The following LRP1B variants were observed in gnomAD, a reference collection of about 807,000 sequenced individuals.
The protein encoded by LRP1B is LDL receptor related protein 1B, also known as low-density lipoprotein receptor-related protein 1B.
LRP1B carries 217 observed loss-of-function variants against 556.6 expected under a neutral mutation model. The ratio of observed to expected loss-of-function variants is 0.39; its 90% confidence interval spans 0.35 to 0.44. The LOEUF is 0.44. LRP1B is among the 20% of genes least tolerant of loss of function. The probability of loss-of-function intolerance (pLI) is 1.00; values close to 1 mark genes in which losing one functional copy is unlikely to be tolerated. For missense variants in LRP1B, 5,053 were observed against 5,620.8 expected (o/e 0.90, Z 3.23); for synonymous variants, 2,047 against 1,865.8 (o/e 1.10, Z -2.50).
At chr2:140,523,627 C>A (rs571469904) in intron 49 of LRP1B, among the ~76,000 whole-genome samples, 31 of 151,786 alleles carry the variant, frequency 2.0e-4, no homozygotes, top group African/African-American at 7.5e-4. Context: ...TAAATGTACA[C>A]CTAAAGACTC....
At chr2:141,883,926 T>A (rs990003838) in intron 1 of LRP1B, among the ~76,000 whole-genome samples, 1 of 152,226 alleles carries the variant, frequency 6.6e-6, no homozygotes, top group Non-Finnish European at 1.5e-5. Flanking sequence ...TTTTATCTTA[T>A]GTATATGAAC....
At chr2:141,559,674 A>T (rs1289848931) in intron 2 of LRP1B, among the ~76,000 whole-genome samples, 1 of 151,680 alleles carries the variant, frequency 6.6e-6, no homozygotes, top group Non-Finnish European at 1.5e-5. Flanking sequence ...AGCACCATGC[A>T]TTGAATATTG....
chr2:140,828,679 A>G (rs71348760), intron 31 of LRP1B, among the ~76,000 whole-genome samples: 159 of 12,572 alleles, frequency 0.013, 25 homozygotes, highest in South Asian at 0.046. Flanking sequence ...AGTCCCAGCT[A>G]CTCAGGAGGC....
intron 1 of LRP1B, among the ~76,000 whole-genome samples, chr2:141,818,612 A>C (rs560264439): frequency 1.1e-4 from 15 of 137,876 alleles, no homozygotes; most frequent in African/African-American, 3.0e-4. Context: ...TCTTGGCTCA[A>C]TGCAACCTCT....
chr2:140,572,350 C>A (rs1681354521), intron 43 of LRP1B, among the ~76,000 whole-genome samples: 1 of 151,462 alleles, frequency 6.6e-6, no homozygotes, highest in Non-Finnish European at 1.5e-5. Flanking sequence ...AGACATCTCT[C>A]AAAAGACGAC....
At chr2:140,278,675 T>A (rs1293897678) in intron 84 of LRP1B, among the ~76,000 whole-genome samples, 2 of 152,040 alleles carry the variant, frequency 1.3e-5, no homozygotes, top group Non-Finnish European at 2.9e-5. Flanking sequence ...TAAGCAAATA[T>A]TAGAATTTAC....
intron 1 of LRP1B, among the ~76,000 whole-genome samples, chr2:141,975,532 A>G (rs2105084303): frequency 6.6e-6 from 1 of 152,202 alleles, no homozygotes; most frequent in East Asian, 1.9e-4. Flanking sequence ...GGCACACTCT[A>G]ATTCTTTTTA....
chr2:140,624,997 G>A lies in LRP1B; in HGVS notation c.6800-23358C>T, dbSNP rs530964985. Among the ~76,000 whole-genome samples, 10 of 152,194 alleles carry A rather than the reference G, an allele frequency of 6.6e-5. No homozygotes were observed. The South Asian group carries it at 1.0e-3, about 16-fold the overall frequency. ...TCACAGAACAAGGAGGCCAGGAGCC[G>A]GGAAAGAGAGAGCATAAGAAAAAGA... is the stretch of plus-strand genomic sequence containing the variant. On this transcript the variant is annotated intron_variant, in intron 41 of 90. Coordinates refer to ENST00000389484, the MANE Select transcript of LRP1B (RefSeq NM_018557.3).
At chr2:140,662,760 C>A (rs1265434881) in intron 41 of LRP1B, among the ~76,000 whole-genome samples, 1 of 152,058 alleles carries the variant, frequency 6.6e-6, no homozygotes, top group African/African-American at 2.4e-5. Flanking sequence ...ATTCATGAAA[C>A]ATTGCCTTAG....
intron 7 of LRP1B, among the ~76,000 whole-genome samples, chr2:141,064,701 G>T (rs1699432403): frequency 6.6e-6 from 1 of 151,906 alleles, no homozygotes; most frequent in Admixed American, 6.6e-5. Context: ...TTATTTGTGT[G>T]CTTGTTTTTA....
chr2:140,473,033 A>C (rs1371498401), intron 60 of LRP1B, among the ~76,000 whole-genome samples: 1 of 151,992 alleles, frequency 6.6e-6, no homozygotes, highest in Non-Finnish European at 1.5e-5. Context: ...GCAAATAAAC[A>C]ACTAGGAAAC....
At chr2:142,023,122 T>G (rs1417965905) in intron 1 of LRP1B, among the ~76,000 whole-genome samples, 1 of 152,202 alleles carries the variant, frequency 6.6e-6, no homozygotes, top group Non-Finnish European at 1.5e-5. Flanking sequence ...GTTCTATACC[T>G]TTCTATCAAC....
intron 43 of LRP1B, among the ~76,000 whole-genome samples, chr2:140,544,523 T>A (rs1680254310): frequency 6.6e-6 from 1 of 152,088 alleles, no homozygotes; most frequent in African/African-American, 2.4e-5. Flanking sequence ...CCTCTATATG[T>A]CCACGTGTTC....
At chr2:140,853,580 G>A (rs1399031729) in intron 27 of LRP1B, among the ~76,000 whole-genome samples, 1 of 152,128 alleles carries the variant, frequency 6.6e-6, no homozygotes, top group Non-Finnish European at 1.5e-5. Flanking sequence ...TAGAGGATAT[G>A]AGAAATGAAC....
chr2:140,317,490 G>T (rs1684575051), intron 82 of LRP1B, among the ~76,000 whole-genome samples: 1 of 150,356 alleles, frequency 6.7e-6, no homozygotes, highest in South Asian at 2.1e-4. Context: ...AGGATGATGG[G>T]AAATGGAGGG....
In LRP1B at chr2:141,776,681, A is replaced by G. The variant is rs759039291; in HGVS notation, c.205+33598T>C. 2.5e-4 allele frequency among the ~76,000 whole-genome samples: 38 copies of G among 152,204 alleles called. 1 individual carries two copies. Among genetic ancestry groups the G allele is most frequent in the Non-Finnish European group, 5.9e-5 (4 of 68,034 alleles). On this transcript the variant is annotated intron_variant, in intron 2 of 90. Coordinates refer to ENST00000389484, the MANE Select transcript of LRP1B (RefSeq NM_018557.3). ...AGGATGATCATGTTCAAAATTTGAC[A>G]CTTACTAGCTATGTGATTTAAGCAT... is the stretch of plus-strand genomic sequence containing the variant.
chr2:142,037,097 A>G (rs1215344343), intron 1 of LRP1B, among the ~76,000 whole-genome samples: 2 of 151,682 alleles, frequency 1.3e-5, no homozygotes, highest in Admixed American at 6.6e-5. Context: ...ATTCACGTTC[A>G]TAAATGCCTG....
chr2:141,115,916 AC>A (rs1700887055), intron 7 of LRP1B, among the ~76,000 whole-genome samples: 1 of 152,156 alleles, frequency 6.6e-6, no homozygotes, highest in African/African-American at 2.4e-5. Context: ...ACATCCTAAA[AC>A]AACATGAAAG....
At chr2:140,300,497 G>A (rs1400238157) in intron 83 of LRP1B, among the ~76,000 whole-genome samples, 1 of 152,094 alleles carries the variant, frequency 6.6e-6, no homozygotes, top group Non-Finnish European at 1.5e-5. Context: ...TTATAGCAGC[G>A]ATGCATCCAG....
Sources: gnomAD v4.1 joint callset for allele counts (sites outside exome capture counted in the v4.1 genomes callset) on GRCh38, gnomAD v4.1.1 for gene constraint, MANE v1.5 for transcripts, NCBI Gene and HGNC (gene_info 2026-07-23, HGNC 2026-07-21) for gene names.